The following ATP2B2 variants were observed in gnomAD, a reference collection of about 807,000 sequenced individuals.
ATP2B2 encodes plasma membrane calcium-transporting ATPase 2.
Under a neutral mutation model 120.0 loss-of-function variants are expected in ATP2B2, and 15 were observed. The ratio of observed to expected loss-of-function variants is 0.12; its 90% CI spans 0.08 to 0.19. The LOEUF (loss-of-function observed/expected upper bound fraction) is 0.19. Ranked by LOEUF, ATP2B2 falls within the 10% of genes least tolerant of loss-of-function variation. The probability of loss-of-function intolerance (pLI) is 1.00; values close to 1 mark genes in which losing one functional copy is unlikely to be tolerated. For synonymous variants in ATP2B2, 694 were observed against 700.3 expected, an observed-to-expected ratio of 0.99 and a Z score of 0.14; for missense variants, 1,045 against 1,719.8, an observed-to-expected ratio of 0.61 and a Z score of 6.94.
At chr3:10,658,397 AAATGACCTGATGGAGCTGAAAAC>A in intron 1 of ATP2B2, among the ~76,000 whole-genome samples, 1 of 152,226 alleles carries the variant, frequency 6.6e-6, no homozygotes, top group Non-Finnish European at 1.5e-5. Flanking sequence ...AGAAGTCCTT[AAATGACCTGATGGAGCTGAAAAC>A]CATGGCATGA....
In ATP2B2 at chr3:10,329,870, G is replaced by A. The variant is rs916833713; in HGVS notation, c.3421-745C>T. On this transcript the variant is annotated intron_variant, in intron 22 of 22. Coordinates refer to ENST00000360273, the MANE Select transcript of ATP2B2 (RefSeq NM_001001331.4). This position sits in a 1 kb window ranked among gnomAD's most constrained non-coding sequence, Gnocchi z 5.9. ...ACATGGCACACACAGACAGACACAC[G>A]GCTACACTTGGAAGCCTGGACAATG... is the stretch of plus-strand genomic sequence containing the variant. Among the ~76,000 whole-genome samples, 3 of 152,160 alleles carry A rather than the reference G, an allele frequency of 2.0e-5. No homozygotes were observed. The highest frequency in any genetic ancestry group is 1.9e-4 in the East Asian group (1 of 5,184).
chr3:10,389,355 G>A (rs2061777936), intron 5 of ATP2B2, among the ~76,000 whole-genome samples: 1 of 152,234 alleles, frequency 6.6e-6, no homozygotes, highest in African/African-American at 2.4e-5. Flanking sequence ...GGGCTTCAGA[G>A]GGAGGATAAG....
At chr3:10,453,023 A>G (rs991333669) in intron 1 of ATP2B2, among the ~76,000 whole-genome samples, 2 of 152,240 alleles carry the variant, frequency 1.3e-5, no homozygotes, top group African/African-American at 2.4e-5. Context: ...GGCTACTGAT[A>G]TATAACATTG....
At chr3:10,556,378 C>G (rs1263111959) in intron 2 of ATP2B2, among the ~76,000 whole-genome samples, 1 of 152,196 alleles carries the variant, frequency 6.6e-6, no homozygotes, top group African/African-American at 2.4e-5. Flanking sequence ...CTCGAGCTGT[C>G]TTTCTAGTGG....
Position 10,340,791 on chromosome 3 carries a change from T to A in ATP2B2, c.2918-87A>T. On this transcript the variant is annotated intron_variant, in intron 19 of 22. Transcript: ENST00000360273. This position sits in a 1 kb window ranked among gnomAD's most constrained non-coding sequence, Gnocchi z 5.0. ...CCTGGCCTTTCGTGGGGGCCTCTTC[T>A]GAGCAGTGACGTGAATCCCCAAGAC... 7.4e-7 allele frequency: 1 copy of A among 1,350,402 alleles called. No individual in the cohort carries two copies. Among genetic ancestry groups the A allele is most frequent in the Non-Finnish European group, 1.1e-6 (1 of 950,258 alleles). The allele number at this position is 1,350,402 out of a possible 1,614,324, so 83.7% of individuals were successfully genotyped here.
rs116385314 is a variant in ATP2B2 at position 10,696,444 on chromosome 3, A to G, written c.-460+11471T>C. Among the ~76,000 whole-genome samples the G allele has an allele frequency of 5.5e-3, 838 of 152,268 alleles. 2 individuals carry two copies. Among genetic ancestry groups the G allele is most frequent in the African/African-American group, 0.017 (722 of 41,544 alleles). On this transcript the variant is annotated intron_variant, in intron 1 of 21. Coordinates refer to the ATP2B2 transcript ENST00000646379. Reference sequence around the variant, plus strand: ...CTCCCACAGCGAGGGCAGGTGTCAGATGCAGATGTTCTCCATGCTCTTCTG... The same window carrying G: ...CTCCCACAGCGAGGGCAGGTGTCAGGTGCAGATGTTCTCCATGCTCTTCTG...
intron 2 of ATP2B2, among the ~76,000 whole-genome samples, chr3:10,582,464 G>A (rs1377126193): frequency 6.6e-6 from 1 of 152,204 alleles, no homozygotes; most frequent in East Asian, 1.9e-4. Flanking sequence ...TTCCAGTGGG[G>A]AGACAGATGA....
Position 10,692,687 on chromosome 3 carries a change from T to C in ATP2B2, c.-460+15228A>G, listed in dbSNP as rs2071686072. Among the ~76,000 whole-genome samples, 3 of 152,258 alleles carry C rather than the reference T, an allele frequency of 2.0e-5. No homozygotes were observed. In the South Asian group the frequency reaches 6.2e-4, roughly 32 times the overall value. On this transcript the variant is annotated intron_variant, in intron 1 of 21. Coordinates refer to the ATP2B2 transcript ENST00000646379. ...CCGGCCTCCCCAGGGCAACACTGGG[T>C]AGACCTTATGCCTGCTTCCCTGTCC... is the stretch of plus-strand genomic sequence containing the variant.
chr3:10,619,560 CTT>C (rs2125621960), intron 2 of ATP2B2, among the ~76,000 whole-genome samples: 1 of 152,350 alleles, frequency 6.6e-6, no homozygotes, highest in South Asian at 2.1e-4. Flanking sequence ...GTGCACTTCT[CTT>C]TTGGTGGAAT....
intron 2 of ATP2B2, among the ~76,000 whole-genome samples, chr3:10,440,794 G>C (rs1401342894): frequency 1.3e-5 from 2 of 152,148 alleles, no homozygotes; most frequent in Non-Finnish European, 2.9e-5. Flanking sequence ...GCACATTTGG[G>C]AGCCAGACAG....
At chr3:10,544,469 A>G (rs1225896551) in intron 2 of ATP2B2, among the ~76,000 whole-genome samples, 1 of 152,226 alleles carries the variant, frequency 6.6e-6, no homozygotes, top group Non-Finnish European at 1.5e-5. Flanking sequence ...GCCTTGATGG[A>G]CCTGGAAGAC....
chr3:10,480,326 G>C (rs747050729), intron 1 of ATP2B2, among the ~76,000 whole-genome samples: 2 of 152,166 alleles, frequency 1.3e-5, no homozygotes, highest in Non-Finnish European at 2.9e-5. Context: ...ATATGAAAGT[G>C]TCGAGCACCA....
intron 2 of ATP2B2, among the ~76,000 whole-genome samples, chr3:10,555,272 T>G (rs2067754642): frequency 6.6e-6 from 1 of 152,246 alleles, no homozygotes; most frequent in Non-Finnish European, 1.5e-5. Context: ...CCTCTCAGCC[T>G]TCTTTGGAAT....
chr3:10,696,461 G>C (rs1428436415), intron 1 of ATP2B2, among the ~76,000 whole-genome samples: 10 of 152,246 alleles, frequency 6.6e-5, no homozygotes, highest in African/African-American at 2.2e-4. Flanking sequence ...TGTTCTCCAT[G>C]CTCTTCTGCC....
At chr3:10,474,528 A>T (rs1421497931) in intron 1 of ATP2B2, among the ~76,000 whole-genome samples, 1 of 152,230 alleles carries the variant, frequency 6.6e-6, no homozygotes, top group East Asian at 1.9e-4. Flanking sequence ...GTAGAGGAGG[A>T]GACCGGAGCC....
chr3:10,403,233 C>T (rs554786463), intron 3 of ATP2B2, among the ~76,000 whole-genome samples: 45 of 152,302 alleles, frequency 3.0e-4, no homozygotes, highest in Admixed American at 7.8e-4. Context: ...TCTCTAACTC[C>T]GTCCTTGTCA....
chr3:10,474,678 T>G (rs1200202488), intron 1 of ATP2B2, among the ~76,000 whole-genome samples: 3 of 152,376 alleles, frequency 2.0e-5, no homozygotes, highest in South Asian at 2.1e-4. Context: ...CCTTGTAACC[T>G]TCCCTCCTGC....
At chr3:10,594,910 GAGGTTTTAACTT>G (rs1455196189) in intron 2 of ATP2B2, among the ~76,000 whole-genome samples, 7 of 147,428 alleles carry the variant, frequency 4.7e-5, no homozygotes, top group Non-Finnish European at 1.1e-4. Context: ...CAGCTGGTTA[GAGGTTTTAACTT>G]AGGTCTGCCT....
chr3:10,571,345 G>C (rs1383058925), intron 2 of ATP2B2, among the ~76,000 whole-genome samples: 1 of 152,248 alleles, frequency 6.6e-6, no homozygotes, highest in Non-Finnish European at 1.5e-5. Context: ...CAGAGGGCCA[G>C]GTAGGTGACT....
Sources: allele counts gnomAD v4.1 joint callset (sites outside exome capture counted in the v4.1 genomes callset), GRCh38; gene constraint gnomAD v4.1.1; non-coding constraint Gnocchi (gnomAD v3.1); transcripts MANE v1.5; gene names NCBI Gene and HGNC (gene_info 2026-07-23, HGNC 2026-07-21).